CDH3: variants seen among roughly 807,000 people sequenced by gnomAD.
The protein encoded by CDH3 is cadherin-3.
CDH3 carries 54 observed loss-of-function variants against 82.0 expected under a neutral mutation model. The ratio of observed to expected loss-of-function variants is 0.66; its 90% CI spans 0.53 to 0.83. The LOEUF (loss-of-function observed/expected upper bound fraction) is 0.83. Among genes scored for constraint, CDH3 ranks in the 40% least tolerant of loss-of-function variants. The pLI, the probability that CDH3 is intolerant of heterozygous loss-of-function variation, is 0.00. For synonymous variants in CDH3, 446 were observed against 437.9 expected (o/e 1.02, Z -0.23); for missense variants, 1,054 against 1,084.6 (o/e 0.97, Z 0.40).
chr16:68,684,039 C>T lies in CDH3; in HGVS notation c.1183-544C>T, dbSNP rs1169632677. 4.9e-5 allele frequency among the ~76,000 whole-genome samples: 7 copies of T among 144,008 alleles called. No homozygotes were observed. In the East Asian group the frequency reaches 1.5e-3, roughly 30 times the overall value. 94.5% of individuals were successfully genotyped at this position (144,008 alleles called of 152,430 possible). ...CTGAGTTCGCATCACTGCACTCCAG[C>T]CTGGATGACAGAGCGAGACTCCGTC... is the stretch of plus-strand genomic sequence containing the variant. On this transcript the variant is annotated intron_variant, in intron 9 of 15. Transcript: ENST00000264012.
chr16:68,680,206 T>C (rs1436961689), intron 7 of CDH3, among the ~76,000 whole-genome samples: 1 of 152,254 alleles, frequency 6.6e-6, no homozygotes, highest in African/African-American at 2.4e-5. Flanking sequence ...GAGGCAGCTG[T>C]AAAATGCCTA....
At position 68,659,123 on chromosome 16, in the gene CDH3, G is replaced by A. The variant is rs564918130; in HGVS notation, c.160+13373G>A. On this transcript the variant is annotated intron_variant, in intron 2 of 15. Coordinates refer to ENST00000264012, the MANE Select transcript of CDH3 (RefSeq NM_001793.6). ...TGAGGGAGGTACTATTGTTGTCCCCGTTTTACAGGTGAGGAAACTGAGGCC... is the reference window on the plus strand; with the variant it reads ...TGAGGGAGGTACTATTGTTGTCCCCATTTTACAGGTGAGGAAACTGAGGCC... Among the ~76,000 whole-genome samples, 13 of 152,224 alleles carry A rather than the reference G, an allele frequency of 8.5e-5. No homozygotes were observed. In the South Asian group the frequency reaches 1.0e-3, roughly 12 times the overall value.
At chr16:68,645,475 G>A in intron 1 of CDH3, 51 bp downstream of exon 1, 1 of 1,596,676 alleles carries the variant, frequency 6.3e-7, no homozygotes, top group Non-Finnish European at 8.6e-7. Context: ...CCTGGGGGGC[G>A]GGCGGGGTCC....
At position 68,685,216 on chromosome 16, in the gene CDH3, T is replaced by C. The variant is rs138190335; in HGVS notation, c.1436T>C (p.Leu479Pro). Residue 479 changes from leucine to proline, a missense_variant, in exon 11 of 16, where the codon CTG becomes CCG. Coordinates refer to ENST00000264012, the MANE Select transcript of CDH3 (RefSeq NM_001793.6). Reference sequence around the variant, plus strand: ...CTTTTCCTCTCCAGCTACCGCATCCTGAGAGACCCAGCAGGGTGGCTAGCC... The same window carrying C: ...CTTTTCCTCTCCAGCTACCGCATCCCGAGAGACCCAGCAGGGTGGCTAGCC... ...KENQKISYRI[L>P]RDPAGWLAMD... The C allele has an allele frequency of 2.6e-3, 4,204 of 1,614,092 alleles. 14 individuals are homozygous for C. The highest frequency in any genetic ancestry group is 3.4e-3 in the Non-Finnish European group (3,965 of 1,180,008).
At chr16:68,675,807 A>AG (rs1961016422) in intron 2 of CDH3, among the ~76,000 whole-genome samples, 1 of 151,688 alleles carries the variant, frequency 6.6e-6, no homozygotes, top group South Asian at 2.1e-4. Context: ...AAAAAAAAAA[A>AG]GAAAAGAAAA....
rs769519946 is a variant in CDH3 at position 68,673,747 on chromosome 16, AAACCCCATCTCT to A, written c.161-2636_161-2625del. 6.2e-4 allele frequency among the ~76,000 whole-genome samples: 95 copies of A among 152,184 alleles called. 1 individual carries two copies. The highest frequency in any genetic ancestry group is 2.2e-3 in the African/African-American group (92 of 41,448). ...CGAGACCAGCCTGGCCAACATGGTG[AAACCCCATCTCT>A]ACTAAAAATACTAAAATTAGCTGGG... is the stretch of plus-strand genomic sequence containing the variant. On this transcript the variant is annotated intron_variant, in intron 2 of 15. Transcript: ENST00000264012.
intron 1 of CDH3, among the ~76,000 whole-genome samples, chr16:68,712,238 T>C (rs1320585795): frequency 6.6e-6 from 1 of 151,794 alleles, no homozygotes; most frequent in African/African-American, 2.4e-5. Flanking sequence ...GGTTTCTCCA[T>C]GTTATCCAGG....
At chr16:68,702,710 T>C (rs962153577), downstream of CDH3, among the ~76,000 whole-genome samples, 2 of 151,926 alleles carry the variant, frequency 1.3e-5, no homozygotes, top group Non-Finnish European at 2.9e-5. Flanking sequence ...ACTAAAAATA[T>C]AAAAATTAGC....
At chr16:68,681,750 A>T (rs1788163955) in intron 8 of CDH3, among the ~76,000 whole-genome samples, 1 of 152,168 alleles carries the variant, frequency 6.6e-6, no homozygotes, top group Non-Finnish European at 1.5e-5. Context: ...AGACATGAGG[A>T]TCGCTTGAGC....
At chr16:68,721,442 C>T (rs963052281) in intron 1 of CDH3, among the ~76,000 whole-genome samples, 2 of 151,928 alleles carry the variant, frequency 1.3e-5, no homozygotes, top group African/African-American at 4.8e-5. Flanking sequence ...CCATATTGGC[C>T]AGGCTGGTCT....
intron 2 of CDH3, among the ~76,000 whole-genome samples, chr16:68,649,855 G>A (rs916056883): frequency 2.5e-4 from 38 of 152,108 alleles, no homozygotes; most frequent in African/African-American, 6.5e-4. Context: ...CCAACATGGC[G>A]AAATCCCGTA....
At chr16:68,651,228 G>T in intron 2 of CDH3, 1 of 529,710 alleles carries the variant, frequency 1.9e-6, no homozygotes, top group South Asian at 1.4e-5. Context: ...GGGACACGGA[G>T]GAGTTGTCAT....
chr16:68,668,814 A>G (rs908527522), intron 2 of CDH3, among the ~76,000 whole-genome samples: 3 of 152,212 alleles, frequency 2.0e-5, no homozygotes, highest in African/African-American at 7.2e-5. Context: ...CAGGATGTGG[A>G]TGTCAGAAGC....
intron 1 of CDH3, among the ~76,000 whole-genome samples, chr16:68,708,191 G>A (rs1390265947): frequency 3.3e-5 from 5 of 152,074 alleles, no homozygotes. Context: ...AGTGGGGCAT[G>A]GTAGAGGGCG....
chr16:68,681,615 C>T (rs1029589022), intron 8 of CDH3, among the ~76,000 whole-genome samples: 3 of 152,240 alleles, frequency 2.0e-5, no homozygotes, highest in African/African-American at 7.2e-5. Flanking sequence ...GCGGGCAGAA[C>T]ACTTTTGAGG....
In CDH3 at chr16:68,698,714, A is replaced by G. The variant is rs181546922; in HGVS notation, c.*314A>G. On this transcript the variant is annotated 3_prime_UTR_variant, in exon 16 of 16. Coordinates refer to ENST00000264012, the MANE Select transcript of CDH3 (RefSeq NM_001793.6). ...GTGTCCTGGGCCTGGGCCTGCTGTGACTGACCTACAGTGGACTTTCTCTCT... is the reference window on the plus strand; with the variant it reads ...GTGTCCTGGGCCTGGGCCTGCTGTGGCTGACCTACAGTGGACTTTCTCTCT... 30 of 397,490 alleles carry G rather than the reference A, an allele frequency of 7.5e-5. No homozygotes were observed. The highest frequency in any genetic ancestry group is 6.1e-4 in the South Asian group (19 of 30,966). 24.6% of individuals were successfully genotyped at this position (397,490 alleles called of 1,614,324 possible).
At chr16:68,730,902 C>A (rs1015305858), downstream of CDH3, among the ~76,000 whole-genome samples, 5 of 149,404 alleles carry the variant, frequency 3.3e-5, no homozygotes, top group African/African-American at 4.9e-5. Flanking sequence ...TGCCTGTAGT[C>A]CCAGCTACTG....
chr16:68,711,845 G>A (rs1962034817), intron 1 of CDH3, among the ~76,000 whole-genome samples: 1 of 151,946 alleles, frequency 6.6e-6, no homozygotes, highest in Admixed American at 6.6e-5. Context: ...ACAGTGGAGT[G>A]GGAGGATAAG....
chr16:68,692,976 T>C (rs1203558903), intron 13 of CDH3, among the ~76,000 whole-genome samples: 2 of 152,134 alleles, frequency 1.3e-5, no homozygotes, highest in Non-Finnish European at 2.9e-5. Context: ...TGATGGCACA[T>C]GCCTGTAATC....
Sources: allele counts gnomAD v4.1 joint callset (sites outside exome capture counted in the v4.1 genomes callset), GRCh38; gene constraint gnomAD v4.1.1; transcripts MANE v1.5; gene names NCBI Gene and HGNC (gene_info 2026-07-23, HGNC 2026-07-21).